FLT1: variants seen among roughly 807,000 people sequenced by gnomAD.
FLT1 encodes fms related receptor tyrosine kinase 1.
Under a neutral mutation model 156.3 loss-of-function variants are expected in FLT1, and 49 were observed. That is an observed-to-expected ratio of 0.31 (90% CI 0.25 to 0.40). FLT1 has a LOEUF of 0.40. Ranked by LOEUF, FLT1 falls within the 10% of genes least tolerant of loss-of-function variation. The pLI is 1.00. For synonymous variants in FLT1, 594 were observed against 583.8 expected, an observed-to-expected ratio of 1.02 and a Z score of -0.25; for missense variants, 1,322 against 1,637.2, an observed-to-expected ratio of 0.81 and a Z score of 3.32.
intron 1 of FLT1, among the ~76,000 whole-genome samples, chr13:28,475,490 G>A (rs1359055901): frequency 6.6e-6 from 1 of 152,054 alleles, no homozygotes; most frequent in African/African-American, 2.4e-5. Context: ...AAGGTTGTTC[G>A]AGGTTAATTA....
intron 1 of FLT1, among the ~76,000 whole-genome samples, chr13:28,479,512 C>G (rs1399357451): frequency 6.6e-6 from 1 of 152,038 alleles, no homozygotes; most frequent in Admixed American, 6.6e-5. Context: ...ATTTCAAAAA[C>G]TTAAAAAAAT....
At chr13:28,443,899 A>G (rs1878467227) in intron 3 of FLT1, among the ~76,000 whole-genome samples, 1 of 152,262 alleles carries the variant, frequency 6.6e-6, no homozygotes. Context: ...AAGTTGGAGT[A>G]GTTATACTAA....
chr13:28,427,385 C>T (rs1566021494), intron 9 of FLT1, 67 bp from the exon 10 acceptor site: 4 of 1,391,450 alleles, frequency 2.9e-6, no homozygotes, highest in African/African-American at 1.4e-5. Flanking sequence ...CTGGGCCACA[C>T]ATGAAGGACC....
At chr13:28,421,858 C>T (rs777545909) in intron 10 of FLT1, among the ~76,000 whole-genome samples, 1 of 152,102 alleles carries the variant, frequency 6.6e-6, no homozygotes, top group Non-Finnish European at 1.5e-5. Context: ...ACGACCATTG[C>T]CATTTACAGA....
chr13:28,473,769 GGAAGGAAGGAAAGAAAGAAA>G lies in FLT1; in HGVS notation c.65-6172_65-6153del, dbSNP rs1457362994. Among the ~76,000 whole-genome samples the G allele has an allele frequency of 4.1e-3, 393 of 95,484 alleles. 2 individuals are homozygous for G. The highest frequency in any genetic ancestry group is 5.4e-3 in the Non-Finnish European group (262 of 48,392). The allele number at this position is 95,484 out of a possible 152,430, so 62.6% of individuals were successfully genotyped here. A position where few individuals can be genotyped will look rare whatever the true frequency, so the allele number is the denominator to read the frequency against. ...AGGAAGGAAGGAAGGAAGGAAGGAA[GGAAGGAAGGAAAGAAAGAAA>G]GAAAGAAAGAAAGAAAGAAAGAAAG... On this transcript the variant is annotated intron_variant, in intron 1 of 29. Transcript: ENST00000282397.
intron 14 of FLT1, among the ~76,000 whole-genome samples, chr13:28,359,490 G>A (rs560740633): frequency 3.3e-5 from 5 of 152,264 alleles, no homozygotes; most frequent in African/African-American, 1.2e-4. Context: ...AGATTTCTTG[G>A]ATATGACCCC....
At chr13:28,365,627 C>T (rs1873263797) in intron 14 of FLT1, among the ~76,000 whole-genome samples, 1 of 152,176 alleles carries the variant, frequency 6.6e-6, no homozygotes, top group Non-Finnish European at 1.5e-5. Flanking sequence ...GCTGGGATTA[C>T]AGGCGTGAGC....
intron 4 of FLT1, among the ~76,000 whole-genome samples, chr13:28,435,674 T>C (rs1398006928): frequency 6.6e-6 from 1 of 152,230 alleles, no homozygotes; most frequent in African/African-American, 2.4e-5. Context: ...GGATTTGTGA[T>C]CCTATGGCAG....
intron 28 of FLT1, chr13:28,308,448 C>T: frequency 5.4e-5 from 17 of 315,166 alleles, no homozygotes; most frequent in Middle Eastern, 1.1e-3. Flanking sequence ...CTTAGGTGGA[C>T]CCCTCCCAGC....
chr13:28,402,732 T>C (rs1195446798), intron 11 of FLT1, among the ~76,000 whole-genome samples: 1 of 152,186 alleles, frequency 6.6e-6, no homozygotes, highest in Non-Finnish European at 1.5e-5. Context: ...GTAGTACTTG[T>C]ATAGGGCTTT....
At chr13:28,488,129 G>T (rs537857061) in intron 1 of FLT1, among the ~76,000 whole-genome samples, 1 of 152,158 alleles carries the variant, frequency 6.6e-6, no homozygotes, top group South Asian at 2.1e-4. Context: ...CAGGCGCGGT[G>T]GCTTACGCCT....
rs112408682 is a variant in FLT1 at position 28,368,407 on chromosome 13, C to T, written c.2117-10722G>A. On this transcript the variant is annotated intron_variant, in intron 14 of 29. Transcript: ENST00000282397. The stretch of plus-strand genomic sequence containing the variant: ...CCTCAAATGATCCACCTGCCTTGGC[C>T]TCCCAAAGTGCTGGGATTACAGGCG... 9.1e-3 allele frequency: 12,560 copies of T among 1,378,700 alleles called. 404 individuals carry two copies. Among genetic ancestry groups the T allele is most frequent in the Admixed American group, 0.091 (3,698 of 40,666 alleles). 85.4% of individuals were successfully genotyped at this position (1,378,700 alleles called of 1,614,324 possible). A position where few individuals can be genotyped will look rare whatever the true frequency, so the allele number is the denominator to read the frequency against.
At chr13:28,471,429 C>A (rs1343450618) in intron 1 of FLT1, among the ~76,000 whole-genome samples, 1 of 152,196 alleles carries the variant, frequency 6.6e-6, no homozygotes, top group Admixed American at 6.5e-5. Flanking sequence ...GGCCTTAACA[C>A]ATTTCTTTGA....
At chr13:28,329,437 G>A (rs1440863763) in intron 19 of FLT1, among the ~76,000 whole-genome samples, 178 bp downstream of exon 19, 2 of 152,242 alleles carry the variant, frequency 1.3e-5, no homozygotes, top group African/African-American at 2.4e-5. Context: ...GCACAGGGAA[G>A]GGATTTATGG....
At chr13:28,438,051 A>T (rs1309447879) in intron 4 of FLT1, among the ~76,000 whole-genome samples, 170 bp downstream of exon 4, 1 of 152,228 alleles carries the variant, frequency 6.6e-6, no homozygotes, top group East Asian at 1.9e-4. Flanking sequence ...AACCACATGC[A>T]TGGACATAAC....
intron 18 of FLT1, 49 bp from the exon 19 acceptor site, chr13:28,329,777 T>C: frequency 6.8e-7 from 1 of 1,477,724 alleles, no homozygotes; most frequent in Non-Finnish European, 9.4e-7. Context: ...ATGGGGCTCC[T>C]TCCGCCGGAG....
At chr13:28,373,228 T>C (rs1021515926) in intron 14 of FLT1, among the ~76,000 whole-genome samples, 2 of 152,238 alleles carry the variant, frequency 1.3e-5, no homozygotes, top group Non-Finnish European at 2.9e-5. Context: ...ATTTTGTTTC[T>C]CAGTGATGCT....
intron 3 of FLT1, among the ~76,000 whole-genome samples, chr13:28,449,008 C>CCAT (rs1269694173): frequency 6.6e-6 from 1 of 152,104 alleles, no homozygotes; most frequent in African/African-American, 2.4e-5. Context: ...AGGTTGGGTG[C>CCAT]GATGGCTCAC....
chr13:28,325,361 A>G (rs776702024), intron 20 of FLT1, among the ~76,000 whole-genome samples: 1 of 152,144 alleles, frequency 6.6e-6, no homozygotes, highest in Non-Finnish European at 1.5e-5. Flanking sequence ...TGCACAGAAA[A>G]GGCAGTGGAG....
Sources: allele counts gnomAD v4.1 joint callset (sites outside exome capture counted in the v4.1 genomes callset), GRCh38; gene constraint gnomAD v4.1.1; transcripts MANE v1.5; gene names NCBI Gene and HGNC (gene_info 2026-07-23, HGNC 2026-07-21).